The following PRPF8 variants were observed in gnomAD, a reference collection of about 807,000 sequenced individuals.
PRPF8 encodes the protein pre-mRNA-processing-splicing factor 8.
A neutral mutation model predicts 285.9 loss-of-function variants in PRPF8; 64 were observed. The observed-to-expected ratio is 0.22, with a 90% CI of 0.18 to 0.28. The LOEUF is 0.28. PRPF8 is among the 10% of genes least tolerant of loss of function. PRPF8 has a pLI of 1.00. For missense variants in PRPF8, 1,426 were observed against 3,026.7 expected, an observed-to-expected ratio of 0.47 and a Z score of 12.41; for synonymous variants, 1,325 against 1,118.2, an observed-to-expected ratio of 1.18 and a Z score of -3.69.
chr17:1,652,741 C>T (rs928723733), intron 39 of PRPF8: 2 of 138,430 alleles, frequency 1.4e-5, no homozygotes, highest in African/African-American at 5.5e-5. Flanking sequence ...GTAGAGACTC[C>T]ATTTCGTCAT....
intron 28 of PRPF8, 33 bp from the exon 29 acceptor site, chr17:1,660,860 C>A (rs200405502): frequency 6.8e-6 from 11 of 1,613,196 alleles, no homozygotes; most frequent in Non-Finnish European, 9.3e-6. Context: ...GAGGTGATAT[C>A]CTGCCATTTC....
rs923112217 is a variant in PRPF8 at position 1,675,309 on chromosome 17, G to A, written c.2903C>T (p.Thr968Met). 10 of 1,614,072 alleles carry A rather than the reference G, an allele frequency of 6.2e-6. No homozygotes were observed. The highest frequency in any genetic ancestry group is 2.2e-5 in the East Asian group (1 of 44,876). Residue 968 changes from threonine (T) to methionine (M), a missense_variant, in exon 20 of 43, where the codon ACG (threonine) becomes ATG (methionine). Transcript: ENST00000304992. The surrounding 1 kb of genome is among the most constrained non-coding windows in gnomAD (Gnocchi z 6.0). ...GINNLQDVWE[T>M]SEGECNVMLE... ...CATGACATTGCACTCGCCTTCACTC[G>A]TCTCCCACACGTCCTGCAGGTTATT...
In PRPF8 at chr17:1,677,614, G is replaced by A. The variant is rs762961121; in HGVS notation, c.1935C>T (p.Thr645=). The A allele has an allele frequency of 6.2e-7, 1 of 1,613,958 alleles. No homozygotes were observed. The highest frequency in any genetic ancestry group is 1.1e-5 in the South Asian group (1 of 91,080). Residue 645 remains threonine, a synonymous_variant, in exon 14 of 43, where the codon ACC becomes ACT. Transcript: ENST00000304992. ...TGCCAAGCCATCGCTCTAATAAAGG[G>A]GTAATGCCACGCATGAAAAAGAGCC... is the stretch of plus-strand genomic sequence containing the variant. ...RVWLFFMRGI[T]PLLERWLGNL...
At position 1,661,522 on chromosome 17, in the gene PRPF8, C is replaced by T. The variant is rs1911676330; in HGVS notation, c.4202+89G>A. On this transcript the variant is annotated intron_variant, in intron 26 of 42. Transcript: ENST00000304992. The surrounding 1 kb of genome is among the most constrained non-coding windows in gnomAD (Gnocchi z 7.3). ...AACCAGCCTTCTCACCTCCATACAA[C>T]CATGGCATGCTCTGACCCTGAACTC... 2 of 1,608,822 alleles carry T rather than the reference C, an allele frequency of 1.2e-6. No individual in the cohort carries two copies. Among genetic ancestry groups the T allele is most frequent in the Non-Finnish European group, 1.7e-6 (2 of 1,178,044 alleles).
chr17:1,656,669 C>T lies in PRPF8; in HGVS notation c.5598G>A (p.Lys1866=), dbSNP rs113774229. 11 of 1,614,040 alleles carry T rather than the reference C, an allele frequency of 6.8e-6. No individual in the cohort carries two copies. In the African/African-American group the frequency reaches 8.0e-5, roughly 12 times the overall value. ...TTACCTCCAGTGGGTCCAGCATGCC[C>T]TTCCTGGTGACAATGATCTGCTTGG... ...EQPKQIIVTR[K]GMLDPLEVHL... is the part of the protein sequence containing the mutation. The change falls in exon 35 of 43, where the codon AAG becomes AAA. Residue 1866 remains lysine (K), a synonymous_variant. Transcript: ENST00000304992.
rs1159527420 is a variant in PRPF8 at position 1,679,583 on chromosome 17, C to A, written c.1289+26G>T. On this transcript the variant is annotated intron_variant, in intron 9 of 42. Coordinates refer to ENST00000304992, the MANE Select transcript of PRPF8 (RefSeq NM_006445.4). This position sits in a 1 kb window ranked among gnomAD's most constrained non-coding sequence, Gnocchi z 4.7. ...TTTCTCCTACACATCCACTATCATT[C>A]CCCCTGCCACAGGGAAAAACCTTAC... 2 of 1,612,158 alleles carry A rather than the reference C, an allele frequency of 1.2e-6. No homozygotes were observed. Among genetic ancestry groups the A allele is most frequent in the Non-Finnish European group, 8.5e-7 (1 of 1,179,560 alleles).
intron 39 of PRPF8, among the ~76,000 whole-genome samples, chr17:1,652,345 T>TCCTGC (rs1272572397): frequency 3.9e-5 from 6 of 152,006 alleles, no homozygotes; most frequent in Non-Finnish European, 8.8e-5. Flanking sequence ...TTCAAGCAAT[T>TCCTGC]CTCCTGCCTC....
In PRPF8 at chr17:1,656,381, G is replaced by A. The variant is rs376662652; in HGVS notation, c.5793+11C>T. 15 of 1,613,998 alleles carry A rather than the reference G, an allele frequency of 9.3e-6. No homozygotes were observed. Among genetic ancestry groups the A allele is most frequent in the Middle Eastern group, 1.6e-4 (1 of 6,082 alleles). ...CCTCCTCCAGCGATCTTCTCTTCCC[G>A]AGGTTCATACCGTGTAAGATGAAAT... On this transcript the variant is annotated intron_variant, in intron 36 of 42. Coordinates refer to ENST00000304992, the MANE Select transcript of PRPF8 (RefSeq NM_006445.4).
At position 1,675,274 on chromosome 17, in the gene PRPF8, G is replaced by C. The variant is rs781594036; in HGVS notation, c.2938C>G (p.Arg980Gly). 1 of 1,614,184 alleles carries C rather than the reference G, an allele frequency of 6.2e-7. No homozygotes were observed. Among genetic ancestry groups the C allele is most frequent in the South Asian group, 1.1e-5 (1 of 91,078 alleles). Residue 980 changes from arginine (R) to glycine (G), a missense_variant, in exon 20 of 43, where the codon CGC becomes GGC. Arg to Gly is a moderately radical substitution (Grantham distance 125, BLOSUM62 -2). Around this residue, in one of 34 missense-constraint regions of PRPF8, gnomAD observed 37 missense variants for 43.4 expected, o/e 0.85. Coordinates refer to ENST00000304992, the MANE Select transcript of PRPF8 (RefSeq NM_006445.4). This position sits in a 1 kb window ranked among gnomAD's most constrained non-coding sequence, Gnocchi z 6.0. ...EGECNVMLES[R>G]FEKMYEKIDL... is the part of the protein sequence containing the mutation. Reference sequence around the variant, plus strand: ...ATCTTCTCATACATCTTCTCAAAGCGGGATTCCAGCATGACATTGCACTCG... The same window carrying C: ...ATCTTCTCATACATCTTCTCAAAGCCGGATTCCAGCATGACATTGCACTCG...
intron 24 of PRPF8, among the ~76,000 whole-genome samples, chr17:1,668,612 T>C (rs1912133232): frequency 6.6e-6 from 1 of 152,018 alleles, no homozygotes; most frequent in Admixed American, 6.6e-5. Context: ...TCCACCCGCC[T>C]CGGCCTCCCA....
chr17:1,683,298 G>A (rs763624842), intron 3 of PRPF8: 102 of 594,928 alleles, frequency 1.7e-4, no homozygotes, highest in Middle Eastern at 4.6e-4. Context: ...CCTGGCCAGG[G>A]ACATCTTATA....
chr17:1,674,897 A>G (rs8073857), intron 20 of PRPF8, among the ~76,000 whole-genome samples: 45,477 of 151,774 alleles, frequency 0.3, 9,049 homozygotes, highest in African/African-American at 0.57. Context: ...TCAGCCTCCC[A>G]AGTAGCTGGG....
chr17:1,662,885 T>C (rs2151117426), intron 24 of PRPF8, among the ~76,000 whole-genome samples: 1 of 150,134 alleles, frequency 6.7e-6, no homozygotes, highest in East Asian at 1.9e-4. Context: ...GATGGAGCTA[T>C]ACAAACTAGT....
chr17:1,660,511 A>T lies in PRPF8; in HGVS notation c.4706T>A (p.Leu1569Gln). 6.2e-7 allele frequency: 1 copy of T among 1,614,202 alleles called. No individual in the cohort carries two copies. The highest frequency in any genetic ancestry group is 8.5e-7 in the Non-Finnish European group (1 of 1,180,036). ...GIFMHGKIPT[L>Q]KISLIQIFRA... ...GAAGATCTGGATGAGAGAGATCTTCAGCGTGGGGATCTTGCCGTGCATGAA... is the reference window on the plus strand; with the variant it reads ...GAAGATCTGGATGAGAGAGATCTTCTGCGTGGGGATCTTGCCGTGCATGAA... The change falls in exon 30 of 43, where the codon CTG becomes CAG. Residue 1569 changes from leucine (L) to glutamine (Q), a missense_variant. By Grantham distance (113) the Leu-to-Gln change is moderately radical. Around this residue, in one of 34 missense-constraint regions of PRPF8, gnomAD observed 15 missense variants for 63.7 expected, o/e 0.24. Coordinates refer to ENST00000304992, the MANE Select transcript of PRPF8 (RefSeq NM_006445.4).
intron 24 of PRPF8, among the ~76,000 whole-genome samples, chr17:1,662,830 CAAA>C (rs541846587): frequency 2.5e-5 from 2 of 81,126 alleles, no homozygotes; most frequent in Non-Finnish European, 6.0e-5. Flanking sequence ...GACTGTGTCT[CAAA>C]AAAAAAAAAA....
rs74378455 is a variant in PRPF8, at chr17:1,675,469, T to C, written c.2873-130A>G. The C allele has an allele frequency of 3.7e-3, 5,375 of 1,449,932 alleles. 164 individuals carry two copies. In the African/African-American group the frequency reaches 0.065, roughly 18 times the overall value. 89.8% of individuals were successfully genotyped at this position (1,449,932 alleles called of 1,614,324 possible). ...ACGTATTCATTTGGATTGCTTTGAC[T>C]ATGGGCTTTTCCTCAGTTTAACACG... On this transcript the variant is annotated intron_variant, in intron 19 of 42. Transcript: ENST00000304992. The surrounding 1 kb of genome is among the most constrained non-coding windows in gnomAD (Gnocchi z 6.0).
chr17:1,668,059 C>A (rs993202030), intron 24 of PRPF8, among the ~76,000 whole-genome samples: 2 of 152,254 alleles, frequency 1.3e-5, no homozygotes, highest in African/African-American at 4.8e-5. Flanking sequence ...TGACCTAGGT[C>A]CTATCAGTAT....
At chr17:1,682,537 T>C (rs553640898) in intron 3 of PRPF8, among the ~76,000 whole-genome samples, 20 of 152,232 alleles carry the variant, frequency 1.3e-4, no homozygotes, top group African/African-American at 4.6e-4. Context: ...TCAACGGCTA[T>C]CCCTCTGGAG....
chr17:1,683,769 G>A, intron 2 of PRPF8, 68 bp from the exon 3 acceptor site: 2 of 1,588,790 alleles, frequency 1.3e-6, no homozygotes, highest in Admixed American at 1.8e-5. Context: ...CTTGCCCTAG[G>A]GTAAGCTCCT....
Sources: allele counts gnomAD v4.1 joint callset (sites outside exome capture counted in the v4.1 genomes callset), GRCh38; gene constraint gnomAD v4.1.1; regional missense constraint gnomAD v4.1.1; non-coding constraint Gnocchi (gnomAD v3.1); transcripts MANE v1.5; gene names NCBI Gene and HGNC (gene_info 2026-07-23, HGNC 2026-07-21).